The following JMY variants were observed in gnomAD, a reference collection of about 807,000 sequenced individuals.
The protein encoded by JMY is junction-mediating and -regulatory protein.
In JMY, 46 loss-of-function variants were observed where a neutral mutation model predicts 103.3. The observed-to-expected ratio is 0.45, with a 90% CI of 0.35 to 0.57. The LOEUF (loss-of-function observed/expected upper bound fraction) is 0.57, where lower values mean the gene tolerates loss of function less well. Ranked by LOEUF, JMY falls within the 20% of genes least tolerant of loss-of-function variation. The pLI is 0.00. For missense variants in JMY, 1,238 were observed against 1,255.2 expected (o/e 0.99, Z 0.21); for synonymous variants, 526 against 489.3 (o/e 1.07, Z -0.99).
At position 79,237,300 on chromosome 5, in the gene JMY, C is replaced by G; in HGVS notation, c.650C>G (p.Ala217Gly). The G allele has an allele frequency of 6.4e-7, 1 of 1,561,588 alleles. No homozygotes were observed. The change falls in exon 1 of 11, where the codon GCC (alanine) becomes GGC (glycine). Residue 217 changes from alanine to glycine, a missense_variant. By Grantham distance (60) the Ala-to-Gly change is moderately conservative. Transcript: ENST00000396137. ...ALSDAEQPPP[A>G]TELESPAEEC... ...TCGGACGCGGAGCAGCCGCCGCCCG[C>G]CACCGAGCTGGAGTCTCCGGCCGAA...
Position 79,236,346 on chromosome 5 carries a change from G to T in JMY, c.-305G>T, listed in dbSNP as rs1224765554. On this transcript the variant is annotated 5_prime_UTR_variant, in exon 1 of 11. Coordinates refer to ENST00000396137, the MANE Select transcript of JMY (RefSeq NM_152405.5). ...CAGACGCAGCTCCACGGCCTCGCGC[G>T]GGGGGCGGCGGGCGGCCGCGAGGCG... 4.3e-6 allele frequency: 1 copy of T among 232,196 alleles called. No homozygotes were observed. Among genetic ancestry groups the T allele is most frequent in the Non-Finnish European group, 8.3e-6 (1 of 120,738 alleles). 14.4% of individuals were successfully genotyped at this position (232,196 alleles called of 1,614,324 possible). A position where few individuals can be genotyped will look rare whatever the true frequency, so the allele number is the denominator to read the frequency against.
At chr5:79,252,657 A>G (rs148932743) in intron 1 of JMY, among the ~76,000 whole-genome samples, 1 of 152,300 alleles carries the variant, frequency 6.6e-6, no homozygotes, top group African/African-American at 2.4e-5. Flanking sequence ...AGGTGCATAT[A>G]TATTTAAAAT....
At chr5:79,253,327 C>CT (rs1745144633) in intron 1 of JMY, among the ~76,000 whole-genome samples, 1 of 151,832 alleles carries the variant, frequency 6.6e-6, no homozygotes, top group Non-Finnish European at 1.5e-5. Flanking sequence ...GAGTCTCGCT[C>CT]TGTCGCCCAG....
At position 79,326,280 on chromosome 5, in the gene JMY, A is replaced by G. The variant is rs1747642666; in HGVS notation, c.*4678A>G. 1 of 151,856 alleles carries G rather than the reference A, an allele frequency of 6.6e-6. No individual in the cohort carries two copies. The highest frequency in any genetic ancestry group is 6.6e-5 in the Admixed American group (1 of 15,262). 9.4% of individuals were successfully genotyped at this position (151,856 alleles called of 1,614,324 possible). On this transcript the variant is annotated 3_prime_UTR_variant, in exon 11 of 11. Coordinates refer to ENST00000396137, the MANE Select transcript of JMY (RefSeq NM_152405.5). ...GGAAAGACCTTGAAAAGTGATGTGT[A>G]GATGAAAACACAAGGTATGGATGTT...
chr5:79,255,964 G>A (rs545053962), intron 1 of JMY, among the ~76,000 whole-genome samples: 2 of 152,316 alleles, frequency 1.3e-5, no homozygotes, highest in South Asian at 4.1e-4. Flanking sequence ...AAGGCCCTAG[G>A]GCTCTACAAT....
chr5:79,255,128 C>CTTTTT (rs71615518), intron 1 of JMY, among the ~76,000 whole-genome samples: 1 of 139,808 alleles, frequency 7.2e-6, no homozygotes, highest in Non-Finnish European at 1.5e-5. Context: ...TCTCTCTCTC[C>CTTTTT]TTTTTTTTGA....
intron 1 of JMY, among the ~76,000 whole-genome samples, chr5:79,263,798 C>T (rs889943829): frequency 4.6e-5 from 7 of 150,686 alleles, no homozygotes; most frequent in Non-Finnish European, 7.4e-5. Flanking sequence ...CCACCATGTC[C>T]GTCTTTTTTT....
Position 79,237,458 on chromosome 5 carries a change from C to T in JMY, c.808C>T (p.Leu270=), listed in dbSNP as rs1407991989. The part of the protein sequence containing the change: ...PEEPSGMWTV[L]FGGAPEMTEQ... ...GGAACCTTCGGGCATGTGGACTGTG[C>T]TGTTTGGGGGCGCCCCCGAGATGAC... Residue 270 remains leucine (L), a synonymous_variant, in exon 1 of 11, where the codon CTG becomes TTG. Coordinates refer to ENST00000396137, the MANE Select transcript of JMY (RefSeq NM_152405.5). The T allele has an allele frequency of 6.2e-7, 1 of 1,603,836 alleles. No homozygotes were observed. Among genetic ancestry groups the T allele is most frequent in the Non-Finnish European group, 8.5e-7 (1 of 1,175,756 alleles).
chr5:79,300,543 C>T, intron 5 of JMY, 133 bp from the exon 6 acceptor site: 2 of 754,900 alleles, frequency 2.6e-6, no homozygotes, highest in East Asian at 5.8e-5. Flanking sequence ...ATAATAATCA[C>T]CACTTACAAA....
chr5:79,277,475 A>T (rs78058566), intron 1 of JMY, among the ~76,000 whole-genome samples: 9,166 of 151,674 alleles, frequency 0.06, 530 homozygotes, highest in African/African-American at 0.15. Flanking sequence ...AAAAAAAAAA[A>T]ATATATACAA....
At chr5:79,269,446 A>G (rs1222271751) in intron 1 of JMY, among the ~76,000 whole-genome samples, 3 of 152,212 alleles carry the variant, frequency 2.0e-5, no homozygotes, top group Non-Finnish European at 4.4e-5. Context: ...TATAAACTTT[A>G]GAATTTATTT....
At chr5:79,267,054 C>A (rs1353056507) in intron 1 of JMY, among the ~76,000 whole-genome samples, 1 of 152,142 alleles carries the variant, frequency 6.6e-6, no homozygotes, top group Non-Finnish European at 1.5e-5. Context: ...AAAAATTGAG[C>A]AGATAGTACA....
chr5:79,314,205 A>C (rs1747134964), intron 8 of JMY, 52 bp from the exon 9 acceptor site: 1 of 1,544,030 alleles, frequency 6.5e-7, no homozygotes, highest in Non-Finnish European at 8.7e-7. Flanking sequence ...GCATGTGCTC[A>C]TAAATTGTTT....
chr5:79,237,539 C>G lies in JMY; in HGVS notation c.889C>G (p.Leu297Val), dbSNP rs777623564. ...GCTCCAGGTCTACCTGGGCCACGGC[C>G]TGGACACCTGCGGCTGGAAGATCCT... ...YQLQVYLGHG[L>V]DTCGWKILSQ... Residue 297 changes from leucine (L) to valine (V), a missense_variant, in exon 1 of 11, where the codon CTG (leucine) becomes GTG (valine). Transcript: ENST00000396137. 2.5e-6 allele frequency: 4 copies of G among 1,613,634 alleles called. No individual in the cohort carries two copies. Among genetic ancestry groups the G allele is most frequent in the Non-Finnish European group, 8.5e-7 (1 of 1,180,028 alleles).
Position 79,300,685 on chromosome 5 carries a change from A to T in JMY, c.1703A>T (p.Asp568Val). The T allele has an allele frequency of 6.3e-7, 1 of 1,591,430 alleles. No individual in the cohort carries two copies. The highest frequency in any genetic ancestry group is 1.7e-4 in the Middle Eastern group (1 of 5,936). ...TGCTGTTCTGTAACAGAAAAAAGAGATGAAGTGGTATACTATGACACTTAC... is the reference window on the plus strand; with the variant it reads ...TGCTGTTCTGTAACAGAAAAAAGAGTTGAAGTGGTATACTATGACACTTAC... ...SIKRLISEKR[D>V]EVVYYDTYES... The change falls in exon 6 of 11, where the codon GAT (aspartate) becomes GTT (valine). Residue 568 changes from aspartate (D) to valine (V), a missense_variant. Physicochemically the swap from Asp to Val is radical, Grantham distance 152 (BLOSUM62 -3). Transcript: ENST00000396137.
chr5:79,323,488 T>A lies in JMY; in HGVS notation c.*1886T>A, dbSNP rs1207829975. 1 of 152,218 alleles carries A rather than the reference T, an allele frequency of 6.6e-6. No homozygotes were observed. The highest frequency in any genetic ancestry group is 2.4e-5 in the African/African-American group (1 of 41,460). The allele number at this position is 152,218 out of a possible 1,614,324, so 9.4% of individuals were successfully genotyped here. A position where few individuals can be genotyped will look rare whatever the true frequency, so the allele number is the denominator to read the frequency against. On this transcript the variant is annotated 3_prime_UTR_variant, in exon 11 of 11. Transcript: ENST00000396137. ...CGTATTTCTTAACCCAAAGAGTGAT[T>A]GGTTATATGAATATATTTGAAAAAG...
chr5:79,318,741 AAT>A (rs71830021), intron 10 of JMY, among the ~76,000 whole-genome samples: 35,218 of 134,286 alleles, frequency 0.26, 4,869 homozygotes, highest in South Asian at 0.33. Flanking sequence ...TTTGTAAAGG[AAT>A]ATATATATAT....
intron 4 of JMY, among the ~76,000 whole-genome samples, chr5:79,299,166 C>G (rs1056817565): frequency 6.6e-6 from 1 of 152,196 alleles, no homozygotes; most frequent in East Asian, 1.9e-4. Context: ...TCCTTTGGCT[C>G]TGAGGGCACA....
intron 1 of JMY, among the ~76,000 whole-genome samples, chr5:79,262,240 A>G (rs1003916601): frequency 6.6e-6 from 1 of 152,218 alleles, no homozygotes; most frequent in Admixed American, 6.5e-5. Context: ...CTGCATTTTA[A>G]ATTAAGGCCT....
Sources: allele counts gnomAD v4.1 joint callset (sites outside exome capture counted in the v4.1 genomes callset), GRCh38; gene constraint gnomAD v4.1.1; transcripts MANE v1.5; gene names NCBI Gene and HGNC (gene_info 2026-07-23, HGNC 2026-07-21).